Variants in SLC12A4 observed in about 807,000 individuals in gnomAD.
SLC12A4 encodes solute carrier family 12 member 4.
A neutral mutation model predicts 119.2 loss-of-function variants in SLC12A4; 84 were observed. That is an observed-to-expected ratio of 0.70 (90% CI 0.59 to 0.85). SLC12A4 has a LOEUF of 0.85. Ranked by LOEUF, SLC12A4 falls within the 40% of genes least tolerant of loss-of-function variation. The pLI, the probability that SLC12A4 is intolerant of heterozygous loss-of-function variation, is 0.00. For synonymous variants in SLC12A4, 599 were observed against 604.6 expected (o/e 0.99, Z 0.14); for missense variants, 1,298 against 1,476.3 (o/e 0.88, Z 1.98).
In SLC12A4 at chr16:67,945,439, T is replaced by C; in HGVS notation, c.2962A>G (p.Lys988Glu). ...GGGTCCCAGGTCTCAGTCATGTACTTGTCCCTGGTCCACGTCATCTGGATC... is the reference window on the plus strand; with the variant it reads ...GGGTCCCAGGTCTCAGTCATGTACTCGTCCCTGGTCCACGTCATCTGGATC... ...DKIQMTWTRDKYMTETWDPSH... is the reference protein window; with the variant it reads ...DKIQMTWTRDEYMTETWDPSH... The change falls in exon 22 of 24, where the codon AAG becomes GAG. Residue 988 changes from lysine (K) to glutamate (E), a missense_variant. By Grantham distance (56) the Lys-to-Glu change is moderately conservative. Coordinates refer to ENST00000316341, the MANE Select transcript of SLC12A4 (RefSeq NM_005072.5). 6.2e-7 allele frequency: 1 copy of C among 1,614,132 alleles called. No homozygotes were observed. Among genetic ancestry groups the C allele is most frequent in the Non-Finnish European group, 8.5e-7 (1 of 1,180,014 alleles).
At chr16:67,947,915 G>A in intron 14 of SLC12A4, 127 bp from the exon 15 acceptor site, 1 of 1,474,178 alleles carries the variant, frequency 6.8e-7, no homozygotes, top group Non-Finnish European at 9.3e-7. Flanking sequence ...AGGTCACTGG[G>A]TGTAAGACCT....
At position 67,950,039 on chromosome 16, in the gene SLC12A4, T is replaced by C; in HGVS notation, c.1630-121A>G. ...CTTGGGGGCTCAGGCCGCCCCTGTGTCTATCCCTATGGGTGTCACCAGTCT... is the reference window on the plus strand; with the variant it reads ...CTTGGGGGCTCAGGCCGCCCCTGTGCCTATCCCTATGGGTGTCACCAGTCT... On this transcript the variant is annotated intron_variant, in intron 12 of 23. Transcript: ENST00000316341. This position sits in a 1 kb window ranked among gnomAD's most constrained non-coding sequence, Gnocchi z 4.3. 1 of 789,512 alleles carries C rather than the reference T, an allele frequency of 1.3e-6. No individual in the cohort carries two copies. The highest frequency in any genetic ancestry group is 1.5e-5 in the South Asian group (1 of 65,816). 48.9% of individuals were successfully genotyped at this position (789,512 alleles called of 1,614,324 possible). A position where few individuals can be genotyped will look rare whatever the true frequency, so the allele number is the denominator to read the frequency against.
In SLC12A4 at chr16:67,963,543, T is replaced by A; in HGVS notation, c.132A>T (p.Arg44Ser). ...AGGGGGAAAGAAAAGGGCTGCTCTC[T>A]CTGTGGTTGCCATGTCCTGTGAAGA... Reference protein sequence around the residue: ...LDDSDGHGNHRESSPFLSPLE... With the variant: ...LDDSDGHGNHSESSPFLSPLE... Residue 44 changes from arginine to serine, a missense_variant, in exon 2 of 24, where the codon AGA (arginine) becomes AGT (serine). By Grantham distance (110) the Arg-to-Ser change is moderately radical. Coordinates refer to ENST00000316341, the MANE Select transcript of SLC12A4 (RefSeq NM_005072.5). 1 of 1,581,380 alleles carries A rather than the reference T, an allele frequency of 6.3e-7. No individual in the cohort carries two copies.
Position 67,950,897 on chromosome 16 carries a change from C to T in SLC12A4, c.1396+65G>A. 1 of 1,547,292 alleles carries T rather than the reference C, an allele frequency of 6.5e-7. No homozygotes were observed. Among genetic ancestry groups the T allele is most frequent in the Non-Finnish European group, 8.9e-7 (1 of 1,123,394 alleles). On this transcript the variant is annotated intron_variant, in intron 10 of 23. Coordinates refer to ENST00000316341, the MANE Select transcript of SLC12A4 (RefSeq NM_005072.5). This position sits in a 1 kb window ranked among gnomAD's most constrained non-coding sequence, Gnocchi z 4.3. ...TGGGGTGTCTGTGCATGTGACCTGGCAACGTACACAGGCCAAGCGCTTCCC... is the reference window on the plus strand; with the variant it reads ...TGGGGTGTCTGTGCATGTGACCTGGTAACGTACACAGGCCAAGCGCTTCCC...
chr16:67,954,556 G>T, intron 6 of SLC12A4, 87 bp downstream of exon 6: 1 of 1,521,532 alleles, frequency 6.6e-7, no homozygotes, highest in Non-Finnish European at 9.0e-7. Context: ...CCAGACATGT[G>T]GGGATGAACA....
chr16:67,966,763 G>C, intron 1 of SLC12A4: 1 of 1,551,520 alleles, frequency 6.4e-7, no homozygotes. Flanking sequence ...CGGGGCTCAG[G>C]GTGTCCCCCA....
At chr16:67,961,782 C>G (rs1823000895) in intron 2 of SLC12A4, 76 bp from the exon 3 acceptor site, 1 of 1,584,152 alleles carries the variant, frequency 6.3e-7, no homozygotes, top group African/African-American at 1.3e-5. Context: ...TGCCTGGTCC[C>G]TGGCCCTGTT....
chr16:67,944,127 G>T lies in SLC12A4; in HGVS notation c.*713C>A. On this transcript the variant is annotated 3_prime_UTR_variant, in exon 24 of 24. Transcript: ENST00000316341. The surrounding 1 kb of genome is among the most constrained non-coding windows in gnomAD (Gnocchi z 6.6). ...TCCAGCCCTGGTGCCTACTGCCAGAGAAAGCGGCACTGGGCTGTCCTTATC... is the reference window on the plus strand; with the variant it reads ...TCCAGCCCTGGTGCCTACTGCCAGATAAAGCGGCACTGGGCTGTCCTTATC... 6.5e-7 allele frequency: 1 copy of T among 1,546,434 alleles called. No individual in the cohort carries two copies. The highest frequency in any genetic ancestry group is 8.7e-7 in the Non-Finnish European group (1 of 1,145,342).
intron 5 of SLC12A4, among the ~76,000 whole-genome samples, chr16:67,957,327 G>A (rs1251745188): frequency 6.6e-6 from 1 of 151,754 alleles, no homozygotes; most frequent in Non-Finnish European, 1.5e-5. Context: ...CCGCCACCAC[G>A]CCCGGCTAAT....
chr16:67,961,503 G>C, intron 3 of SLC12A4, 72 bp downstream of exon 3: 1 of 1,567,706 alleles, frequency 6.4e-7, no homozygotes, highest in Non-Finnish European at 8.6e-7. Context: ...CACCATGTGG[G>C]GAAACAGTCA....
chr16:67,952,293 C>T lies in SLC12A4; in HGVS notation c.808G>A (p.Val270Ile), dbSNP rs1041217607. Residue 270 changes from valine to isoleucine, a missense_variant, in exon 7 of 24, where the codon GTC becomes ATC. Val to Ile is a conservative substitution (Grantham distance 29). Transcript: ENST00000316341. ...GAGGCAAATTTGTTCACATACTTGA[C>T]CCCCACAAACACCACCAGGGTCATG... is the stretch of plus-strand genomic sequence containing the variant. ...TFMTLVVFVG[V>I]KYVNKFASLF... is the part of the protein sequence containing the mutation. 5 of 1,613,980 alleles carry T rather than the reference C, an allele frequency of 3.1e-6. No homozygotes were observed. Among genetic ancestry groups the T allele is most frequent in the African/African-American group, 1.3e-5 (1 of 74,892 alleles).
intron 1 of SLC12A4, chr16:67,966,969 C>G: frequency 7.9e-7 from 1 of 1,266,618 alleles, no homozygotes; most frequent in Admixed American, 2.9e-5. Flanking sequence ...CTCTGCCTGC[C>G]CACTGGTCCA....
chr16:67,951,403 A>G lies in SLC12A4; in HGVS notation c.1133-99T>C. The G allele has an allele frequency of 1.5e-6, 2 of 1,356,850 alleles. No individual in the cohort carries two copies. Among genetic ancestry groups the G allele is most frequent in the Non-Finnish European group, 2.0e-6 (2 of 993,958 alleles). 84.1% of individuals were successfully genotyped at this position (1,356,850 alleles called of 1,614,324 possible). A position where few individuals can be genotyped will look rare whatever the true frequency, so the allele number is the denominator to read the frequency against. ...GCGCAGATGCAGGGCAACTTTGGGGACTCAGGGAACAGCTTCAGCCCAATG... is the reference window on the plus strand; with the variant it reads ...GCGCAGATGCAGGGCAACTTTGGGGGCTCAGGGAACAGCTTCAGCCCAATG... On this transcript the variant is annotated intron_variant, in intron 8 of 23. Transcript: ENST00000316341. This position sits in a 1 kb window ranked among gnomAD's most constrained non-coding sequence, Gnocchi z 5.2.
chr16:67,963,959 G>A, intron 1 of SLC12A4: 1 of 1,551,552 alleles, frequency 6.4e-7, no homozygotes, highest in Non-Finnish European at 8.7e-7. Context: ...AGGGTTCGGT[G>A]TCCTCAGGGA....
At chr16:67,963,275 T>C (rs2030679862) in intron 2 of SLC12A4, 190 bp downstream of exon 2, 2 of 384,314 alleles carry the variant, frequency 5.2e-6, no homozygotes, top group Admixed American at 4.9e-5. Context: ...GGTGGGATTG[T>C]GAGTGGCCTC....
At chr16:67,945,895 G>A in intron 20 of SLC12A4, 24 bp from the exon 21 acceptor site, 1 of 1,613,604 alleles carries the variant, frequency 6.2e-7, no homozygotes, top group South Asian at 1.1e-5. Context: ...TGGCCGTGAG[G>A]ACCCAGCTGC....
At chr16:67,946,700 G>A in intron 17 of SLC12A4, 67 bp from the exon 18 acceptor site, 1 of 1,536,166 alleles carries the variant, frequency 6.5e-7, no homozygotes, top group Non-Finnish European at 8.8e-7. Context: ...CCCTCCCAAG[G>A]CCCCTCGGGA....
rs371588504 is a variant in SLC12A4, at chr16:67,947,359, C to T, written c.2044G>A (p.Glu682Lys). 3 of 1,612,502 alleles carry T rather than the reference C, an allele frequency of 1.9e-6. No homozygotes were observed. Among genetic ancestry groups the T allele is most frequent in the Non-Finnish European group, 2.5e-6 (3 of 1,179,760 alleles). ...CAGTTCTTGGTGTGAGGAGGCCCCT[C>T]CTCCAGCCGCAACAGCGCGTAGCGG... ...AARYALLRLE[E>K]GPPHTKNWRP... The change falls in exon 16 of 24, where the codon GAG becomes AAG. Residue 682 changes from glutamate to lysine, a missense_variant. Physicochemically the swap from Glu to Lys is moderately conservative, Grantham distance 56 (BLOSUM62 1). Coordinates refer to ENST00000316341, the MANE Select transcript of SLC12A4 (RefSeq NM_005072.5).
intron 13 of SLC12A4, 69 bp from the exon 14 acceptor site, chr16:67,948,228 C>T: frequency 2.7e-6 from 4 of 1,505,380 alleles, no homozygotes; most frequent in Non-Finnish European, 3.7e-6. Flanking sequence ...TCAGGCTGGG[C>T]CTGGCCCAGA....
Sources: allele counts gnomAD v4.1 joint callset (sites outside exome capture counted in the v4.1 genomes callset), GRCh38; gene constraint gnomAD v4.1.1; non-coding constraint Gnocchi (gnomAD v3.1); transcripts MANE v1.5; gene names NCBI Gene and HGNC (gene_info 2026-07-23, HGNC 2026-07-21).